The following HECW2 variants were observed in gnomAD, a reference collection of about 807,000 sequenced individuals.
HECW2 encodes E3 ubiquitin-protein ligase HECW2.
HECW2 carries 61 observed loss-of-function variants against 175.2 expected under a neutral mutation model. The observed-to-expected ratio is 0.35, with a 90% confidence interval of 0.28 to 0.43. The LOEUF is 0.43. HECW2 is among the 20% of genes least tolerant of loss of function. HECW2 has a pLI of 1.00. For missense variants in HECW2, 1,524 were observed against 2,000.5 expected (o/e 0.76, Z 4.54); for synonymous variants, 671 against 731.0 (o/e 0.92, Z 1.32).
chr2:196,426,783 AT>A (rs1469607018), intron 2 of HECW2, among the ~76,000 whole-genome samples: 1 of 152,140 alleles, frequency 6.6e-6, no homozygotes, highest in African/African-American at 2.4e-5. Flanking sequence ...GGGTATCATC[AT>A]TCTAGACCTT....
chr2:196,220,709 A>G, intron 25 of HECW2, 86 bp downstream of exon 25: 1 of 1,360,542 alleles, frequency 7.4e-7, no homozygotes, highest in Non-Finnish European at 1.0e-6. Context: ...CAGCAGAAAT[A>G]GTCTACACAT....
At chr2:196,521,704 T>C (rs1384656651) in intron 1 of HECW2, among the ~76,000 whole-genome samples, 1 of 145,082 alleles carries the variant, frequency 6.9e-6, no homozygotes, top group East Asian at 2.1e-4. Flanking sequence ...CATTGTTCAA[T>C]TCCCACCTAT....
In HECW2 at chr2:196,197,729, T is replaced by C. The variant is rs749164746; in HGVS notation, c.*3548A>G. On this transcript the variant is annotated 3_prime_UTR_variant, in exon 29 of 29. Transcript: ENST00000644978. ...AAGATGAAACACAGAATTGTGACTA[T>C]GAAGTAATGAAACTGATGCCACAAG... 3.3e-5 allele frequency: 5 copies of C among 152,198 alleles called. No individual in the cohort carries two copies. Among genetic ancestry groups the C allele is most frequent in the Admixed American group, 2.6e-4 (4 of 15,286 alleles). 9.4% of individuals were successfully genotyped at this position (152,198 alleles called of 1,614,324 possible).
intron 19 of HECW2, among the ~76,000 whole-genome samples, chr2:196,250,688 T>C: frequency 6.6e-6 from 1 of 152,098 alleles, no homozygotes; most frequent in Admixed American, 6.5e-5. Flanking sequence ...TGTTCCAAAG[T>C]TGGCCTGTGT....
intron 28 of HECW2, among the ~76,000 whole-genome samples, chr2:196,215,597 T>A (rs949355017): frequency 6.6e-6 from 1 of 152,218 alleles, no homozygotes; most frequent in African/African-American, 2.4e-5. Flanking sequence ...GCCACAAGCA[T>A]GATAACCAAC....
chr2:196,318,727 C>T lies in HECW2; in HGVS notation c.2163G>A (p.Gly721=). The change falls in exon 9 of 29, where the codon GGG becomes GGA. Residue 721 remains glycine, a synonymous_variant. Transcript: ENST00000644978. ...GGTCAGGTACAGTGGCCGATTCTGC[C>T]CCTGGCCCTTCATCCTCCCCACTGG... ...QVPSGEDEGP[G]AESATVPDQE... The T allele has an allele frequency of 6.5e-7, 1 of 1,547,966 alleles. No homozygotes were observed. Among genetic ancestry groups the T allele is most frequent in the Non-Finnish European group, 8.7e-7 (1 of 1,147,434 alleles).
At chr2:196,201,822 T>C (rs1367323932) in intron 28 of HECW2, among the ~76,000 whole-genome samples, 1 of 152,122 alleles carries the variant, frequency 6.6e-6, no homozygotes, top group Non-Finnish European at 1.5e-5. Context: ...TAGTTATGCA[T>C]TTTTTCATTT....
intron 3 of HECW2, among the ~76,000 whole-genome samples, chr2:196,338,463 T>G (rs1429896478): frequency 3.3e-5 from 5 of 152,240 alleles, no homozygotes. Flanking sequence ...TCAAAATTAT[T>G]TTTTAGAAAA....
chr2:196,384,517 T>C (rs11676253), intron 2 of HECW2, among the ~76,000 whole-genome samples: 1 of 152,294 alleles, frequency 6.6e-6, no homozygotes, highest in South Asian at 2.1e-4. Context: ...GGGAGGCAGA[T>C]GCTGCAGTGA....
At chr2:196,209,757 C>CT (rs1365319286) in intron 28 of HECW2, among the ~76,000 whole-genome samples, 1 of 142,356 alleles carries the variant, frequency 7.0e-6, no homozygotes, top group African/African-American at 2.7e-5. Context: ...GTTTTTCTTT[C>CT]TTTCTTTCTT....
rs918835259 is a variant in HECW2, at chr2:196,443,340, T to A, written c.-35-9882A>T. ...AGTGCCAATATCATAGACCCTTAAA[T>A]GTGTAACGAGAAGCATATAGACTAG... On this transcript the variant is annotated intron_variant, in intron 1 of 28. Transcript: ENST00000644978. Among the ~76,000 whole-genome samples the A allele has an allele frequency of 2.0e-5, 3 of 152,284 alleles. No homozygotes were observed. The South Asian group carries it at 6.2e-4, about 32-fold the overall frequency.
intron 1 of HECW2, among the ~76,000 whole-genome samples, chr2:196,523,870 C>T (rs1260860026): frequency 2.6e-5 from 4 of 152,142 alleles, no homozygotes; most frequent in African/African-American, 4.8e-5. Flanking sequence ...CTGCTGGATT[C>T]GTTTTGCCAG....
intron 2 of HECW2, among the ~76,000 whole-genome samples, chr2:196,429,462 G>A (rs1438767249): frequency 6.6e-6 from 1 of 152,130 alleles, no homozygotes; most frequent in Non-Finnish European, 1.5e-5. Flanking sequence ...CTTTGGAAAT[G>A]GCTAGAGGGG....
chr2:196,347,984 A>C (rs1693021275), intron 2 of HECW2, among the ~76,000 whole-genome samples: 1 of 152,250 alleles, frequency 6.6e-6, no homozygotes, highest in Non-Finnish European at 1.5e-5. Context: ...TGAAATGGCT[A>C]CTACAATCTC....
intron 10 of HECW2, among the ~76,000 whole-genome samples, chr2:196,309,865 T>C (rs538298529): frequency 6.6e-6 from 1 of 152,358 alleles, no homozygotes; most frequent in Non-Finnish European, 1.5e-5. Context: ...TGGCTCTTAA[T>C]TTTCTGGCAG....
intron 21 of HECW2, among the ~76,000 whole-genome samples, chr2:196,229,793 TTAA>T (rs1316135211): frequency 1.3e-5 from 2 of 152,246 alleles, no homozygotes; most frequent in East Asian, 1.9e-4. Context: ...TGTACCATTA[TTAA>T]TATTTTTCAT....
intron 1 of HECW2, among the ~76,000 whole-genome samples, chr2:196,544,510 A>G (rs540897774): frequency 6.6e-6 from 1 of 152,260 alleles, no homozygotes; most frequent in African/African-American, 2.4e-5. Flanking sequence ...GTTGGGGGGC[A>G]CTGGAAGGTC....
chr2:196,306,590 C>G lies in HECW2; in HGVS notation c.2712G>C (p.Leu904=). ...ASADFRRENI[L]PHSTSRSRIT... ...TCCTGGATCTGGAGGTAGAGTGAGG[C>G]AGGATGTTCTCCCGTCGGAAATCTA... Residue 904 remains leucine, a synonymous_variant, in exon 13 of 29, where the codon CTG becomes CTC. Coordinates refer to ENST00000644978, the MANE Select transcript of HECW2 (RefSeq NM_001348768.2). 6.2e-7 allele frequency: 1 copy of G among 1,612,532 alleles called. No homozygotes were observed. The highest frequency in any genetic ancestry group is 8.5e-7 in the Non-Finnish European group (1 of 1,179,324).
At chr2:196,271,798 T>C (rs1429299371) in intron 16 of HECW2, among the ~76,000 whole-genome samples, 1 of 152,204 alleles carries the variant, frequency 6.6e-6, no homozygotes, top group African/African-American at 2.4e-5. Flanking sequence ...TTCTGGCTAA[T>C]ATTACTTATA....
Sources: allele counts gnomAD v4.1 joint callset (sites outside exome capture counted in the v4.1 genomes callset), GRCh38; gene constraint gnomAD v4.1.1; transcripts MANE v1.5; gene names NCBI Gene and HGNC (gene_info 2026-07-23, HGNC 2026-07-21).